Variants in DPM1 observed in about 807,000 individuals in gnomAD.
The protein encoded by DPM1 is dolichol-phosphate mannosyltransferase subunit 1.
Under a neutral mutation model 39.0 loss-of-function variants are expected in DPM1, and 27 were observed. The ratio of observed to expected loss-of-function variants is 0.69; its 90% confidence interval spans 0.51 to 0.95. The LOEUF is 0.95. Ranked by LOEUF, DPM1 falls within the 40% of genes least tolerant of loss-of-function variation. The probability of loss-of-function intolerance (pLI) is 0.00; values close to 1 mark genes in which losing one functional copy is unlikely to be tolerated. For synonymous variants in DPM1, 124 were observed against 109.0 expected, an observed-to-expected ratio of 1.14 and a Z score of -0.86; for missense variants, 307 against 315.6, an observed-to-expected ratio of 0.97 and a Z score of 0.21.
chr20:50,955,104 T>C (rs1479128363), intron 2 of DPM1, 82 bp downstream of exon 2: 5 of 1,080,186 alleles, frequency 4.6e-6, no homozygotes, highest in East Asian at 4.8e-5. Context: ...AACAAATAGA[T>C]TGAATTTAAG....
chr20:50,945,687 G>T, intron 5 of DPM1, 50 bp downstream of exon 5: 1 of 1,448,502 alleles, frequency 6.9e-7, no homozygotes, highest in South Asian at 1.2e-5. Context: ...AAACCAGTAA[G>T]ATAAATGTTT....
intron 7 of DPM1, among the ~76,000 whole-genome samples, chr20:50,940,086 TTGTGTGTG>T (rs11469059): frequency 0.09 from 13,240 of 146,522 alleles, 655 homozygotes; most frequent in African/African-American, 0.14. Context: ...AGGTCCTAAT[TTGTGTGTG>T]TGTGTGTGTG....
intron 7 of DPM1, among the ~76,000 whole-genome samples, chr20:50,938,690 A>T (rs1342440499): frequency 2.0e-5 from 3 of 148,542 alleles, no homozygotes; most frequent in Non-Finnish European, 4.5e-5. Flanking sequence ...TATTTAAAAA[A>T]TTTTTTGGGC....
At chr20:50,941,298 TCA>T (rs1985761733) in intron 6 of DPM1, 1 of 148,298 alleles carries the variant, frequency 6.7e-6, no homozygotes, top group Non-Finnish European at 1.3e-5. Context: ...ATATACACAT[TCA>T]TATAATATGT....
intron 1 of DPM1, 49 bp from the exon 2 acceptor site, chr20:50,955,334 T>G (rs1414375610): frequency 2.3e-6 from 3 of 1,317,228 alleles, no homozygotes; most frequent in Non-Finnish European, 3.3e-6. Context: ...GTTCTCAAAT[T>G]TAAAAGTAAT....
At position 50,955,285 on chromosome 20, in the gene DPM1, A is replaced by C. The variant is rs1227175249; in HGVS notation, c.162T>G (p.Ser54Arg). Reference protein sequence around the residue: ...VWLLVKSFSESGINYEIIIID... With the variant: ...VWLLVKSFSERGINYEIIIID... The stretch of plus-strand genomic sequence containing the variant: ...TGATTATAATTTCATAGTTGATTCC[A>C]CTAAAAAAATTAAATTTGTATTAAT... The change falls in exon 2 of 9, where the codon AGT becomes AGG. Residue 54 changes from serine (S) to arginine (R), a missense_variant and splice_region_variant. Coordinates refer to ENST00000371588, the MANE Select transcript of DPM1 (RefSeq NM_003859.3). 3.1e-6 allele frequency: 5 copies of C among 1,608,002 alleles called. No individual in the cohort carries two copies. Among genetic ancestry groups the C allele is most frequent in the Non-Finnish European group, 4.3e-6 (5 of 1,175,718 alleles).
intron 7 of DPM1, among the ~76,000 whole-genome samples, chr20:50,937,463 T>A (rs909229563): frequency 4.6e-5 from 7 of 152,132 alleles, no homozygotes; most frequent in East Asian, 1.9e-4. Context: ...GTTTTTTTTT[T>A]ATGTTTTGGG....
rs1191577229 is a variant in DPM1 at position 50,943,867 on chromosome 20, G to A, written c.399-1741C>T. Among the ~76,000 whole-genome samples, 5 of 151,690 alleles carry A rather than the reference G, an allele frequency of 3.3e-5. No individual in the cohort carries two copies. In the East Asian group the frequency reaches 5.8e-4, roughly 18 times the overall value. On this transcript the variant is annotated intron_variant, in intron 5 of 8. Transcript: ENST00000371588. ...CCATTCTCCTGCCTCAGCCTCCCGA[G>A]TAGCTGGGACTACAGGTGCACACCA...
At position 50,955,206 on chromosome 20, in the gene DPM1, T is replaced by A. The variant is rs771893824; in HGVS notation, c.241A>T (p.Ile81Phe). Reference protein sequence around the residue: ...TRDVAEQLEKIYGSDRILLRP... With the variant: ...TRDVAEQLEKFYGSDRILLRP... ...CTTACAATTCTGTCTGACCCATAGATCTTCTCCAACTGTTCAGCAACATCC... is the reference window on the plus strand; with the variant it reads ...CTTACAATTCTGTCTGACCCATAGAACTTCTCCAACTGTTCAGCAACATCC... The change falls in exon 2 of 9, where the codon ATC becomes TTC. Residue 81 changes from isoleucine to phenylalanine, a missense_variant. Coordinates refer to ENST00000371588, the MANE Select transcript of DPM1 (RefSeq NM_003859.3). The A allele has an allele frequency of 6.2e-7, 1 of 1,612,724 alleles. No homozygotes were observed. The highest frequency in any genetic ancestry group is 8.5e-7 in the Non-Finnish European group (1 of 1,179,426).
chr20:50,947,732 G>A (rs1004516830), intron 3 of DPM1, among the ~76,000 whole-genome samples: 10 of 152,000 alleles, frequency 6.6e-5, no homozygotes, highest in Non-Finnish European at 1.2e-4. Context: ...GAGTTCAAGC[G>A]ACTCTCCTGC....
At chr20:50,938,188 G>A (rs1470243166) in intron 7 of DPM1, among the ~76,000 whole-genome samples, 1 of 152,110 alleles carries the variant, frequency 6.6e-6, no homozygotes, top group Non-Finnish European at 1.5e-5. Context: ...GATCCAGGTG[G>A]TCTATGCTAT....
Position 50,935,145 on chromosome 20 carries a change from A to G in DPM1, c.770T>C (p.Phe257Ser). ...AGTATCTTTCTTTTATGTAGTAGCA[A>G]AAAGAGTCAATAATCCTTTCAAGAA... is the stretch of plus-strand genomic sequence containing the variant. Reference protein sequence around the residue: ...VSFLKGLLTLFATT With the variant: ...VSFLKGLLTLSATT Residue 257 changes from phenylalanine to serine, a missense_variant, in exon 9 of 9, where the codon TTT becomes TCT. Phe to Ser is a radical substitution (Grantham distance 155). Coordinates refer to ENST00000371588, the MANE Select transcript of DPM1 (RefSeq NM_003859.3). 1 of 1,585,350 alleles carries G rather than the reference A, an allele frequency of 6.3e-7. No individual in the cohort carries two copies. The highest frequency in any genetic ancestry group is 1.1e-5 in the South Asian group (1 of 90,260).
At chr20:50,955,350 A>C in intron 1 of DPM1, 65 bp from the exon 2 acceptor site, 1 of 1,139,890 alleles carries the variant, frequency 8.8e-7, no homozygotes, top group Non-Finnish European at 1.3e-6. Context: ...GTAATTTAAA[A>C]ATTACTAATT....
intron 5 of DPM1, chr20:50,945,257 A>G (rs1009373940): frequency 6.4e-6 from 1 of 155,904 alleles, no homozygotes; most frequent in East Asian, 1.8e-4. Flanking sequence ...GGACTCCTAA[A>G]ATACATCATT....
intron 2 of DPM1, among the ~76,000 whole-genome samples, chr20:50,954,930 AT>A (rs1202842063): frequency 6.6e-6 from 1 of 152,172 alleles, no homozygotes; most frequent in Non-Finnish European, 1.5e-5. Context: ...CTTCAAGAAA[AT>A]TTATCTGCAG....
At position 50,958,495 on chromosome 20, in the gene DPM1, G is replaced by T. The variant is rs755912457; in HGVS notation, c.29C>A (p.Pro10His). MASLEVSRSPRRSRRELEVR... is the reference protein window; with the variant it reads MASLEVSRSHRRSRRELEVR... ...TTCCAGCTCCCGCCGAGACCTGCGA[G>T]GACTACGACTGACTTCCAAGGAGGC... Residue 10 changes from proline (P) to histidine (H), a missense_variant, in exon 1 of 9, where the codon CCT becomes CAT. Pro to His is a moderately conservative substitution (Grantham distance 77, BLOSUM62 -2). Coordinates refer to ENST00000371588, the MANE Select transcript of DPM1 (RefSeq NM_003859.3). 1.9e-6 allele frequency: 3 copies of T among 1,613,746 alleles called. No individual in the cohort carries two copies. The highest frequency in any genetic ancestry group is 4.5e-5 in the East Asian group (2 of 44,872).
At chr20:50,937,420 T>C (rs189592845) in intron 7 of DPM1, among the ~76,000 whole-genome samples, 1 of 152,202 alleles carries the variant, frequency 6.6e-6, no homozygotes, top group East Asian at 1.9e-4. Context: ...TATTCAATAA[T>C]AAATATTTAT....
rs1568774485 is a variant in DPM1, at chr20:50,955,287, TA to T, written c.162-3del. The stretch of plus-strand genomic sequence containing the variant: ...ATTATAATTTCATAGTTGATTCCAC[TA>T]AAAAAATTAAATTTGTATTAATGAC... On this transcript the variant is annotated splice_region_variant and splice_polypyrimidine_tract_variant and intron_variant, in intron 1 of 8. Coordinates refer to ENST00000371588, the MANE Select transcript of DPM1 (RefSeq NM_003859.3). 2.5e-6 allele frequency: 4 copies of T among 1,600,016 alleles called. No homozygotes were observed. Among genetic ancestry groups the T allele is most frequent in the Non-Finnish European group, 3.4e-6 (4 of 1,168,460 alleles).
At chr20:50,946,687 AG>A (rs1371002866) in intron 3 of DPM1, among the ~76,000 whole-genome samples, 5 of 152,228 alleles carry the variant, frequency 3.3e-5, no homozygotes, top group African/African-American at 1.2e-4. Flanking sequence ...ACTTGTTAGG[AG>A]CAGGACTTGG....
Sources: gnomAD v4.1 joint callset for allele counts (sites outside exome capture counted in the v4.1 genomes callset) on GRCh38, gnomAD v4.1.1 for gene constraint, MANE v1.5 for transcripts, NCBI Gene and HGNC (gene_info 2026-07-23, HGNC 2026-07-21) for gene names.